Variants in RABGEF1 observed in about 807,000 individuals in gnomAD.
RABGEF1 encodes rab5 GDP/GTP exchange factor.
In RABGEF1, 26 loss-of-function variants were observed where a neutral mutation model predicts 57.3. The ratio of observed to expected loss-of-function variants is 0.45; its 90% CI spans 0.33 to 0.63. RABGEF1 has a LOEUF of 0.63. RABGEF1 is among the 20% of genes least tolerant of loss of function. The pLI, the probability that RABGEF1 is intolerant of heterozygous loss-of-function variation, is 0.02. For synonymous variants in RABGEF1, 185 were observed against 210.7 expected (o/e 0.88, Z 1.06); for missense variants, 464 against 607.6 (o/e 0.76, Z 2.48).
In RABGEF1 at chr7:66,698,355, CA is replaced by C. The variant is rs148052282; in HGVS notation, c.-872-13811del. On this transcript the variant is annotated intron_variant and NMD_transcript_variant, in intron 1 of 9. Coordinates refer to the RABGEF1 transcript ENST00000607882. ...CCCAGGGCAAGGCCTGTCTCCCCAT[CA>C]GGGGTGACAAGAGAGGACTGGATCA... Among the ~76,000 whole-genome samples the C allele has an allele frequency of 2.3e-3, 349 of 152,302 alleles. 2 individuals carry two copies. The highest frequency in any genetic ancestry group is 8.2e-3 in the African/African-American group (340 of 41,584).
At chr7:66,795,398 C>A in intron 4 of RABGEF1, 113 bp from the exon 5 acceptor site, 1 of 822,754 alleles carries the variant, frequency 1.2e-6, no homozygotes, top group East Asian at 2.5e-5. Flanking sequence ...CCTGTGAGTA[C>A]TTTTAGGCTT....
At chr7:66,718,238 A>C (rs966603751) in intron 2 of RABGEF1, among the ~76,000 whole-genome samples, 2 of 152,104 alleles carry the variant, frequency 1.3e-5, no homozygotes, top group African/African-American at 4.8e-5. Context: ...CCAGCTACTC[A>C]GGAGGCTGAG....
chr7:66,757,573 A>G (rs1803065424), intron 1 of RABGEF1, among the ~76,000 whole-genome samples: 1 of 152,238 alleles, frequency 6.6e-6, no homozygotes, highest in Non-Finnish European at 1.5e-5. Flanking sequence ...CACTATAGGA[A>G]TATGTACCAT....
At chr7:66,783,165 C>T (rs1388951758) in intron 3 of RABGEF1, among the ~76,000 whole-genome samples, 1 of 152,224 alleles carries the variant, frequency 6.6e-6, no homozygotes, top group Middle Eastern at 3.2e-3. Context: ...GACTCACCAA[C>T]GAAATGGTGG....
chr7:66,770,791 G>GT (rs201695839), intron 1 of RABGEF1, among the ~76,000 whole-genome samples: 86 of 151,300 alleles, frequency 5.7e-4, no homozygotes, highest in African/African-American at 1.3e-3. Flanking sequence ...GCCTGGGTTT[G>GT]TTTTTTTTTA....
At chr7:66,717,606 T>C (rs1795554966) in intron 2 of RABGEF1, among the ~76,000 whole-genome samples, 1 of 151,864 alleles carries the variant, frequency 6.6e-6, no homozygotes, top group Non-Finnish European at 1.5e-5. Flanking sequence ...TCACCCAGGC[T>C]GGAGTGCAGT....
chr7:66,754,607 G>A (rs1476181793), intron 1 of RABGEF1, among the ~76,000 whole-genome samples: 1 of 151,652 alleles, frequency 6.6e-6, no homozygotes, highest in Non-Finnish European at 1.5e-5. Context: ...TCAGTACATT[G>A]GCCAGTCCAG....
chr7:66,683,610 G>A (rs1449937734), intron 1 of RABGEF1, among the ~76,000 whole-genome samples: 2 of 152,134 alleles, frequency 1.3e-5, no homozygotes, highest in Non-Finnish European at 2.9e-5. Flanking sequence ...AGCCTGGAAG[G>A]GATCGGGGAA....
At chr7:66,726,628 A>G (rs1181286195) in intron 2 of RABGEF1, among the ~76,000 whole-genome samples, 2 of 152,004 alleles carry the variant, frequency 1.3e-5, no homozygotes, top group African/African-American at 4.8e-5. Flanking sequence ...CAGCCTCCCA[A>G]AGTGCTGGGA....
In RABGEF1 at chr7:66,810,242, T is replaced by C. The variant is rs1789271933; in HGVS notation, c.*958T>C. On this transcript the variant is annotated 3_prime_UTR_variant, in exon 9 of 9. Coordinates refer to ENST00000284957, the MANE Select transcript of RABGEF1 (RefSeq NM_014504.3). The stretch of plus-strand genomic sequence containing the variant: ...GACTTTGCAAACGTCTAGACATGTT[T>C]TCTGAACCTTTTTCAGGACATTTCA... The C allele has an allele frequency of 6.6e-6, 1 of 152,178 alleles. No individual in the cohort carries two copies. The highest frequency in any genetic ancestry group is 2.1e-4 in the South Asian group (1 of 4,828). 9.4% of individuals were successfully genotyped at this position (152,178 alleles called of 1,614,324 possible). A position where few individuals can be genotyped will look rare whatever the true frequency, so the allele number is the denominator to read the frequency against.
At chr7:66,768,673 A>G (rs937879271) in intron 1 of RABGEF1, among the ~76,000 whole-genome samples, 4 of 152,160 alleles carry the variant, frequency 2.6e-5, no homozygotes, top group African/African-American at 4.8e-5. Context: ...TGGTCTCTCC[A>G]TTAGTTCCAA....
In RABGEF1 at chr7:66,725,613, A is replaced by G. The variant is rs577629668; in HGVS notation, c.-815+13389A>G. The stretch of plus-strand genomic sequence containing the variant: ...TGTGATGTTATGCTGTTTTTGTTCC[A>G]TCCATGGCAATTTTATGAGGCAGAT... On this transcript the variant is annotated intron_variant and NMD_transcript_variant, in intron 2 of 9. Coordinates refer to the RABGEF1 transcript ENST00000607882. 2.6e-5 allele frequency among the ~76,000 whole-genome samples: 4 copies of G among 152,312 alleles called. No homozygotes were observed. The South Asian group carries it at 8.3e-4, about 32-fold the overall frequency.
chr7:66,716,163 A>G (rs988763636), intron 2 of RABGEF1, among the ~76,000 whole-genome samples: 9 of 152,102 alleles, frequency 5.9e-5, no homozygotes, highest in African/African-American at 2.2e-4. Flanking sequence ...CCATTATGTA[A>G]TGTCCCTCTT....
intron 1 of RABGEF1, among the ~76,000 whole-genome samples, chr7:66,696,416 G>T (rs771098706): frequency 6.6e-6 from 1 of 152,054 alleles, no homozygotes; most frequent in Non-Finnish European, 1.5e-5. Flanking sequence ...GGGGCTGGGC[G>T]TGGTGGCTCA....
chr7:66,759,142 C>T (rs1194294616), intron 1 of RABGEF1, among the ~76,000 whole-genome samples: 1 of 152,230 alleles, frequency 6.6e-6, no homozygotes, highest in African/African-American at 2.4e-5. Context: ...CCAAAGACTT[C>T]CCTTATGACT....
chr7:66,753,707 T>TG (rs1033925107), intron 1 of RABGEF1, among the ~76,000 whole-genome samples: 2 of 140,444 alleles, frequency 1.4e-5, no homozygotes, highest in Non-Finnish European at 3.1e-5. Context: ...CATCGTTTTT[T>TG]TTTTTTTTTT....
At chr7:66,662,255 A>C in the RABGEF1 span, among the ~76,000 whole-genome samples, 1 of 151,790 alleles carries the variant, frequency 6.6e-6, no homozygotes, top group African/African-American at 2.4e-5. Flanking sequence ...AAAAAAAAAA[A>C]ATTGAGTTCA....
intron 2 of RABGEF1, among the ~76,000 whole-genome samples, chr7:66,723,967 G>A (rs1349432868): frequency 2.6e-5 from 4 of 151,972 alleles, no homozygotes. Context: ...TCATTGTCTT[G>A]TATTTCATGT....
rs57856916 is a variant in RABGEF1, at chr7:66,705,443, AAGAGAGAG to A, written c.-872-6687_-872-6680del. The stretch of plus-strand genomic sequence containing the variant: ...CAGAGCGAAACTCCATCTCGAAAGA[AAGAGAGAG>A]AGAGAGAGAGAGAGAGAGAGAGAGA... On this transcript the variant is annotated intron_variant and NMD_transcript_variant, in intron 1 of 9. Transcript: ENST00000607882. 1.5e-3 allele frequency among the ~76,000 whole-genome samples: 100 copies of A among 66,370 alleles called. 1 individual carries two copies. The highest frequency in any genetic ancestry group is 0.011 in the Middle Eastern group (1 of 92). 43.5% of individuals were successfully genotyped at this position (66,370 alleles called of 152,430 possible). A position where few individuals can be genotyped will look rare whatever the true frequency, so the allele number is the denominator to read the frequency against.
Sources: gnomAD v4.1 joint callset for allele counts (sites outside exome capture counted in the v4.1 genomes callset) on GRCh38, gnomAD v4.1.1 for gene constraint, MANE v1.5 for transcripts, NCBI Gene and HGNC (gene_info 2026-07-23, HGNC 2026-07-21) for gene names.